Variants in DNAAF5 observed in about 807,000 individuals in gnomAD.
DNAAF5 encodes HEAT repeat containing 2.
In DNAAF5, 64 loss-of-function variants were observed where a neutral mutation model predicts 75.8. The ratio of observed to expected loss-of-function variants is 0.84; its 90% CI spans 0.69 to 1.04. DNAAF5 has a LOEUF of 1.04. Among genes scored for constraint, DNAAF5 ranks in the 50% least tolerant of loss-of-function variants. The pLI, the probability that DNAAF5 is intolerant of heterozygous loss-of-function variation, is 0.00. For synonymous variants in DNAAF5, 657 were observed against 557.2 expected, an observed-to-expected ratio of 1.18 and a Z score of -2.52; for missense variants, 1,269 against 1,178.5, an observed-to-expected ratio of 1.08 and a Z score of -1.12.
At chr7:774,014 G>A (rs201440952) in intron 9 of DNAAF5, 34 bp from the exon 10 acceptor site, 488 of 1,613,602 alleles carry the variant, frequency 3.0e-4, no homozygotes, top group Non-Finnish European at 3.9e-4. Context: ...CACCTGTCCG[G>A]TCTCCTCATC....
intron 4 of DNAAF5, among the ~76,000 whole-genome samples, chr7:753,456 C>T (rs1332461707): frequency 6.6e-6 from 1 of 152,226 alleles, no homozygotes; most frequent in Non-Finnish European, 1.5e-5. Context: ...GCCTTGGGGG[C>T]TGCAGTGCAG....
At chr7:735,515 T>A (rs551273181) in intron 2 of DNAAF5, among the ~76,000 whole-genome samples, 129 of 151,694 alleles carry the variant, frequency 8.5e-4, no homozygotes, top group African/African-American at 3.0e-3. Flanking sequence ...TTGCTGATAT[T>A]GTTGCTCACG....
intron 4 of DNAAF5, among the ~76,000 whole-genome samples, chr7:747,136 T>G (rs753698181): frequency 7.9e-5 from 12 of 152,240 alleles, no homozygotes; most frequent in Non-Finnish European, 1.5e-4. Flanking sequence ...GGATAAACAC[T>G]CAGGCGTGGG....
chr7:782,974 C>T (rs1039125631), intron 12 of DNAAF5, among the ~76,000 whole-genome samples: 1 of 152,272 alleles, frequency 6.6e-6, no homozygotes. Flanking sequence ...GCTCTTGTTA[C>T]GCAACGTCAG....
In DNAAF5 at chr7:782,640, G is replaced by A. The variant is rs544036933; in HGVS notation, c.2431+2496G>A. On this transcript the variant is annotated intron_variant, in intron 12 of 12. Coordinates refer to ENST00000297440, the MANE Select transcript of DNAAF5 (RefSeq NM_017802.4). Reference sequence around the variant, plus strand: ...GAAACTCGATATTCCTGGCGTGGCCGCCTCCCGTCACGCAGCGTCAGAAAC... The same window carrying A: ...GAAACTCGATATTCCTGGCGTGGCCACCTCCCGTCACGCAGCGTCAGAAAC... Among the ~76,000 whole-genome samples the A allele has an allele frequency of 3.9e-4, 50 of 129,654 alleles. 2 individuals are homozygous for A. Among genetic ancestry groups the A allele is most frequent in the African/African-American group, 1.4e-3 (44 of 32,464 alleles). The allele number at this position is 129,654 out of a possible 152,430, so 85.1% of individuals were successfully genotyped here. A position where few individuals can be genotyped will look rare whatever the true frequency, so the allele number is the denominator to read the frequency against.
intron 8 of DNAAF5, chr7:769,029 A>G: frequency 1.6e-6 from 1 of 627,778 alleles, no homozygotes. Context: ...AGGCCCTCCA[A>G]GACACCAGCT....
intron 4 of DNAAF5, among the ~76,000 whole-genome samples, chr7:743,054 C>A (rs1017404213): frequency 6.6e-6 from 1 of 152,174 alleles, no homozygotes; most frequent in African/African-American, 2.4e-5. Flanking sequence ...AAATGTATTC[C>A]GTCAAATACA....
chr7:727,504 T>G, intron 1 of DNAAF5, 189 bp downstream of exon 1: 3 of 220,348 alleles, frequency 1.4e-5, no homozygotes, highest in Non-Finnish European at 2.3e-5. Flanking sequence ...CCCGGCCCCC[T>G]CCTCCCACCA....
At chr7:760,641 C>T (rs776724313) in intron 6 of DNAAF5, among the ~76,000 whole-genome samples, 1 of 152,280 alleles carries the variant, frequency 6.6e-6, no homozygotes, top group East Asian at 1.9e-4. Context: ...CAGAGCAAGA[C>T]CCTGTCTCTA....
chr7:781,019 C>A (rs912636655), intron 12 of DNAAF5, among the ~76,000 whole-genome samples: 1 of 152,118 alleles, frequency 6.6e-6, no homozygotes, highest in African/African-American at 2.4e-5. Context: ...CAAACACTTA[C>A]ACTTTCTTTG....
In DNAAF5 at chr7:741,421, A is replaced by T. The variant is rs767716482; in HGVS notation, c.980A>T (p.Lys327Met). 1.9e-6 allele frequency: 3 copies of T among 1,573,512 alleles called. No homozygotes were observed. The highest frequency in any genetic ancestry group is 2.3e-5 in the South Asian group (2 of 85,528). The change falls in exon 4 of 13, where the codon AAG becomes ATG. Residue 327 changes from lysine (K) to methionine (M), a missense_variant. Physicochemically the swap from Lys to Met is moderately conservative, Grantham distance 95. Coordinates refer to ENST00000297440, the MANE Select transcript of DNAAF5 (RefSeq NM_017802.4). ...QKENEEDLKD[K>M]LDFAPPTPPH... ...GAGAATGAGGAGGACCTGAAGGACA[A>T]GCTGGACTTTGCCCCTCCCACCCCA... is the stretch of plus-strand genomic sequence containing the variant.
At position 742,687 on chromosome 7, in the gene DNAAF5, A is replaced by G. The variant is rs113336937; in HGVS notation, c.1024+1222A>G. On this transcript the variant is annotated intron_variant, in intron 4 of 12. Coordinates refer to ENST00000297440, the MANE Select transcript of DNAAF5 (RefSeq NM_017802.4). Reference sequence around the variant, plus strand: ...TGCCCAGCTCAAATCAATCATGCCCAGCTCAAATCAATCATGCCCAGCTCA... The same window carrying G: ...TGCCCAGCTCAAATCAATCATGCCCGGCTCAAATCAATCATGCCCAGCTCA... 4.7e-5 allele frequency among the ~76,000 whole-genome samples: 7 copies of G among 150,408 alleles called. No homozygotes were observed. In the Admixed American group the frequency reaches 4.7e-4, roughly 10 times the overall value.
chr7:733,175 C>T (rs969770948), intron 2 of DNAAF5, among the ~76,000 whole-genome samples: 3 of 152,174 alleles, frequency 2.0e-5, no homozygotes, highest in African/African-American at 7.2e-5. Context: ...CTGTTCTGGT[C>T]GCTGTAGCTC....
chr7:768,237 C>T lies in DNAAF5; in HGVS notation c.1784-2234C>T, dbSNP rs374660133. ...TGGGAGGGGAGACACGTGATCAGGG[C>T]GGAAGTGTCCGTGCTGCGAGGAGGA... is the stretch of plus-strand genomic sequence containing the variant. On this transcript the variant is annotated intron_variant, in intron 8 of 12. Coordinates refer to ENST00000297440, the MANE Select transcript of DNAAF5 (RefSeq NM_017802.4). Among the ~76,000 whole-genome samples, 56 of 142,390 alleles carry T rather than the reference C, an allele frequency of 3.9e-4. No homozygotes were observed. The South Asian group carries it at 0.013, about 33-fold the overall frequency. The allele number at this position is 142,390 out of a possible 152,430, so 93.4% of individuals were successfully genotyped here. A position where few individuals can be genotyped will look rare whatever the true frequency, so the allele number is the denominator to read the frequency against.
intron 8 of DNAAF5, among the ~76,000 whole-genome samples, chr7:764,732 A>G (rs1374888324): frequency 6.6e-6 from 1 of 152,164 alleles, no homozygotes; most frequent in Non-Finnish European, 1.5e-5. Flanking sequence ...AAAATACCCA[A>G]AATTGTTCTT....
rs1370069595 is a variant in DNAAF5 at position 785,669 on chromosome 7, C to G, written c.*16C>G. On this transcript the variant is annotated 3_prime_UTR_variant, in exon 13 of 13. Coordinates refer to ENST00000297440, the MANE Select transcript of DNAAF5 (RefSeq NM_017802.4). ...CACACAGTGACCACGCTGGTTTCAGCCACGGCACACCCTTGTCCCCACCTG... is the reference window on the plus strand; with the variant it reads ...CACACAGTGACCACGCTGGTTTCAGGCACGGCACACCCTTGTCCCCACCTG... 1.2e-6 allele frequency: 2 copies of G among 1,611,372 alleles called. No individual in the cohort carries two copies. The highest frequency in any genetic ancestry group is 3.3e-5 in the Admixed American group (2 of 59,974).
chr7:742,058 C>G (rs1781927769), intron 4 of DNAAF5, among the ~76,000 whole-genome samples: 2 of 152,212 alleles, frequency 1.3e-5, no homozygotes, highest in Non-Finnish European at 2.9e-5. Flanking sequence ...GCAGGTCTGG[C>G]TGAGTCTGAG....
At chr7:753,707 GTC>G (rs527477495) in intron 4 of DNAAF5, among the ~76,000 whole-genome samples, 32 of 147,570 alleles carry the variant, frequency 2.2e-4, no homozygotes, top group African/African-American at 5.8e-4. Flanking sequence ...TCGCAGGCGT[GTC>G]TCTCTCATAT....
chr7:764,510 C>T (rs577728205), intron 8 of DNAAF5, among the ~76,000 whole-genome samples: 26 of 152,308 alleles, frequency 1.7e-4, no homozygotes, highest in African/African-American at 5.1e-4. Context: ...ACACACGGCC[C>T]GCGCTGCTCC....
Sources: allele counts gnomAD v4.1 joint callset (sites outside exome capture counted in the v4.1 genomes callset), GRCh38; gene constraint gnomAD v4.1.1; transcripts MANE v1.5; gene names NCBI Gene and HGNC (gene_info 2026-07-23, HGNC 2026-07-21).